Variants in ALS2 observed in about 807,000 individuals in gnomAD.
ALS2 encodes alsin Rho guanine nucleotide exchange factor ALS2, also known as alsin.
A neutral mutation model predicts 203.4 loss-of-function variants in ALS2; 117 were observed. The ratio of observed to expected loss-of-function variants is 0.58; its 90% CI spans 0.50 to 0.67. The LOEUF (loss-of-function observed/expected upper bound fraction) is 0.67, where lower values mean the gene tolerates loss of function less well. Among genes scored for constraint, ALS2 ranks in the 30% least tolerant of loss-of-function variants. The pLI, the probability that ALS2 is intolerant of heterozygous loss-of-function variation, is 0.00. For missense variants in ALS2, 1,715 were observed against 1,989.4 expected, an observed-to-expected ratio of 0.86 and a Z score of 2.62; for synonymous variants, 718 against 725.9, an observed-to-expected ratio of 0.99 and a Z score of 0.17.
rs1046967010 is a variant in ALS2, at chr2:201,715,783, T to C, written c.3893A>G (p.Asp1298Gly). 6.2e-7 allele frequency: 1 copy of C among 1,614,228 alleles called. No individual in the cohort carries two copies. The highest frequency in any genetic ancestry group is 8.5e-7 in the Non-Finnish European group (1 of 1,180,040). The change falls in exon 25 of 34, where the codon GAC (aspartate) becomes GGC (glycine). Residue 1298 changes from aspartate (D) to glycine (G), a missense_variant. This residue lies in a region of ALS2 where 1,227 missense variants were observed against 1,413.5 expected (regional missense o/e 0.87). Coordinates refer to ENST00000264276, the MANE Select transcript of ALS2 (RefSeq NM_020919.4). ...ACAGCCCAGTTGGCGCCAACATTCG[T>C]CAAACACCGCTTTCCACTTCTCATC... Reference protein sequence around the residue: ...PADEKWKAVFDECWRQLGCEG... With the variant: ...PADEKWKAVFGECWRQLGCEG...
intron 20 of ALS2, among the ~76,000 whole-genome samples, chr2:201,725,112 CAAA>C (rs200113676): frequency 3.3e-5 from 3 of 90,872 alleles, no homozygotes; most frequent in Admixed American, 1.1e-4. Context: ...GACTTCATCT[CAAA>C]AAAAAAAAAA....
chr2:201,763,194 G>T, intron 3 of ALS2: 1 of 215,780 alleles, frequency 4.6e-6, no homozygotes, highest in Non-Finnish European at 9.1e-6. Context: ...CCCGTGCACA[G>T]AGGCTACTGG....
At chr2:201,780,515 C>A (rs1347642777) in intron 1 of ALS2, among the ~76,000 whole-genome samples, 1 of 152,194 alleles carries the variant, frequency 6.6e-6, no homozygotes, top group Non-Finnish European at 1.5e-5. Flanking sequence ...TCAAGAAATT[C>A]TCGTGAATGA....
At chr2:201,756,671 T>C (rs528309240) in intron 5 of ALS2, among the ~76,000 whole-genome samples, 1 of 152,280 alleles carries the variant, frequency 6.6e-6, no homozygotes, top group African/African-American at 2.4e-5. Flanking sequence ...AGACAGGATG[T>C]CCTACAAACC....
intron 24 of ALS2, chr2:201,716,587 T>C (rs1478891610): frequency 6.8e-6 from 1 of 146,852 alleles, no homozygotes; most frequent in Non-Finnish European, 1.5e-5. Flanking sequence ...TGGTGGCCCG[T>C]ACCTGTAATC....
Position 201,728,523 on chromosome 2 carries a change from C to T in ALS2, c.2830G>A (p.Val944Ile), listed in dbSNP as rs748650472. ...GGAATCCAGCCTACCTGGGCATGGA[C>T]CAGGGCATCATTAAAGAGAATGAAC... ...NWFILFNDAL[V>I]HAQFSTHHVF... is the part of the protein sequence containing the mutation. Residue 944 changes from valine (V) to isoleucine (I), a missense_variant, in exon 15 of 34, where the codon GTC becomes ATC. By Grantham distance (29) the Val-to-Ile change is conservative. Around this residue, in one of 3 missense-constraint regions of ALS2, gnomAD observed 1,227 missense variants for 1,413.5 expected, o/e 0.87. Transcript: ENST00000264276. 1.9e-6 allele frequency: 3 copies of T among 1,614,062 alleles called. No individual in the cohort carries two copies. The highest frequency in any genetic ancestry group is 2.5e-6 in the Non-Finnish European group (3 of 1,180,016).
intron 1 of ALS2, among the ~76,000 whole-genome samples, chr2:201,777,146 T>G (rs957820510): frequency 6.6e-6 from 1 of 152,132 alleles, no homozygotes; most frequent in Non-Finnish European, 1.5e-5. Flanking sequence ...TCCAAATTCC[T>G]TTGAGGGCCT....
chr2:201,721,774 C>T (rs1690814814), intron 23 of ALS2, among the ~76,000 whole-genome samples: 1 of 152,172 alleles, frequency 6.6e-6, no homozygotes, highest in South Asian at 2.1e-4. Flanking sequence ...CGCCATTCTC[C>T]TGCCTCAGCC....
intron 26 of ALS2, among the ~76,000 whole-genome samples, chr2:201,710,433 T>TAAA (rs111300498): frequency 6.9e-6 from 1 of 145,022 alleles, no homozygotes; most frequent in African/African-American, 2.5e-5. Flanking sequence ...CCCCCATATC[T>TAAA]AAAAAAAAAA....
chr2:201,704,690 G>T (rs530735211), intron 31 of ALS2, 87 bp from the exon 32 acceptor site: 1 of 1,462,474 alleles, frequency 6.8e-7, no homozygotes, highest in East Asian at 2.3e-5. Context: ...ATTCCCTCCT[G>T]GGATTCACAT....
In ALS2 at chr2:201,715,943, C is replaced by T. The variant is rs904643924; in HGVS notation, c.3837-104G>A. The T allele has an allele frequency of 9.8e-5, 118 of 1,208,238 alleles. 1 individual carries two copies. The African/African-American group carries it at 1.5e-3, about 16-fold the overall frequency. The allele number at this position is 1,208,238 out of a possible 1,614,324, so 74.8% of individuals were successfully genotyped here. ...ACAACTGAGAATGCTTTTTTCGTGA[C>T]CAAAACTGCCAAGACTGATGGTAAT... On this transcript the variant is annotated intron_variant, in intron 24 of 33. Transcript: ENST00000264276.
In ALS2 at chr2:201,726,670, T is replaced by C. The variant is rs1691182915; in HGVS notation, c.3176A>G (p.His1059Arg). 1.2e-6 allele frequency: 2 copies of C among 1,614,176 alleles called. No homozygotes were observed. Among genetic ancestry groups the C allele is most frequent in the Non-Finnish European group, 1.7e-6 (2 of 1,180,000 alleles). Reference sequence around the variant, plus strand: ...AAATCTTCAACATTTTCACCTGCCATGAGGCTTCCCTGAAAGCCAGCGTCC... The same window carrying C: ...AAATCTTCAACATTTTCACCTGCCACGAGGCTTCCCTGAAAGCCAGCGTCC... ...YDGRWLSGKP[H>R]GRGVLKWPDG... The change falls in exon 18 of 34, where the codon CAT becomes CGT. Residue 1059 changes from histidine (H) to arginine (R), a missense_variant. Around this residue, in one of 3 missense-constraint regions of ALS2, gnomAD observed 1,227 missense variants for 1,413.5 expected, o/e 0.87. Transcript: ENST00000264276.
intron 20 of ALS2, among the ~76,000 whole-genome samples, chr2:201,724,877 G>T (rs996884995): frequency 1.6e-4 from 24 of 152,202 alleles, no homozygotes; most frequent in African/African-American, 4.6e-4. Flanking sequence ...ACTTTGGGAG[G>T]CCGAGGCGGG....
rs570706770 is a variant in ALS2, at chr2:201,729,037, A to G, written c.2712+15T>C. 8 of 1,614,164 alleles carry G rather than the reference A, an allele frequency of 5.0e-6. No homozygotes were observed. In the South Asian group the frequency reaches 8.8e-5, roughly 18 times the overall value. ...CTGTTTGCTAGGGTAACAAATGACA[A>G]CTGGCATGGCTTACCGTCATTTTTC... On this transcript the variant is annotated intron_variant, in intron 14 of 33. Coordinates refer to ENST00000264276, the MANE Select transcript of ALS2 (RefSeq NM_020919.4).
intron 3 of ALS2, among the ~76,000 whole-genome samples, chr2:201,765,999 C>G (rs1366564580): frequency 3.3e-5 from 5 of 152,146 alleles, no homozygotes; most frequent in Non-Finnish European, 5.9e-5. Flanking sequence ...ATAGAAGCTA[C>G]CTCATAAGGT....
At chr2:201,715,548 C>T (rs1690320916) in intron 25 of ALS2, 124 bp downstream of exon 25, 1 of 1,198,628 alleles carries the variant, frequency 8.3e-7, no homozygotes. Flanking sequence ...TTTAATCTCT[C>T]TTACTCAGAA....
At position 201,704,657 on chromosome 2, in the gene ALS2, T is replaced by A; in HGVS notation, c.4689-54A>T. 2 of 1,604,304 alleles carry A rather than the reference T, an allele frequency of 1.2e-6. 1 individual carries two copies. The highest frequency in any genetic ancestry group is 2.2e-5 in the South Asian group (2 of 90,824). On this transcript the variant is annotated intron_variant, in intron 31 of 33. Coordinates refer to ENST00000264276, the MANE Select transcript of ALS2 (RefSeq NM_020919.4). ...TCCTATAATTTTCTTAATAAAGCCA[T>A]TTGATCGTGCTTTTTTGACAATATT...
rs1250901841 is a variant in ALS2 at position 201,700,735 on chromosome 2, G to C, written c.*1116C>G. 2 of 152,702 alleles carry C rather than the reference G, an allele frequency of 1.3e-5. No homozygotes were observed. The highest frequency in any genetic ancestry group is 3.9e-4 in the East Asian group (2 of 5,186). The allele number at this position is 152,702 out of a possible 1,614,324, so 9.5% of individuals were successfully genotyped here. On this transcript the variant is annotated 3_prime_UTR_variant, in exon 34 of 34. Transcript: ENST00000264276. ...TCAGGACACTCTGTATGCTCACCACGGTGTAGGAGATGAGATGAGGAAGAG... is the reference window on the plus strand; with the variant it reads ...TCAGGACACTCTGTATGCTCACCACCGTGTAGGAGATGAGATGAGGAAGAG...
chr2:201,761,409 T>C lies in ALS2; in HGVS notation c.585A>G (p.Val195=), dbSNP rs1693759658. The change falls in exon 4 of 34, where the codon GTA becomes GTG. Residue 195 remains valine (V), a synonymous_variant. Transcript: ENST00000264276. ...TAFPVTKPQK[V]EHLAGRVVLQ... ...GCACCACTCGCCCAGCAAGATGTTC[T>C]ACCTTTTGCGGCTTTGTCACTGGGA... 1.2e-6 allele frequency: 2 copies of C among 1,609,198 alleles called. No individual in the cohort carries two copies. Among genetic ancestry groups the C allele is most frequent in the African/African-American group, 2.7e-5 (2 of 74,796 alleles).
Sources: gnomAD v4.1 joint callset for allele counts (sites outside exome capture counted in the v4.1 genomes callset) on GRCh38, gnomAD v4.1.1 for gene constraint, gnomAD v4.1.1 regional missense constraint, MANE v1.5 for transcripts, NCBI Gene and HGNC (gene_info 2026-07-23, HGNC 2026-07-21) for gene names.